WDR70: variants seen among roughly 807,000 people sequenced by gnomAD.
WDR70 encodes the protein WD repeat-containing protein 70.
A neutral mutation model predicts 88.6 loss-of-function variants in WDR70; 53 were observed. The observed-to-expected ratio is 0.60, with a 90% confidence interval of 0.48 to 0.75. The LOEUF is 0.75. Ranked by LOEUF, WDR70 falls within the 30% of genes least tolerant of loss-of-function variation. The probability of loss-of-function intolerance (pLI) is 0.00; values close to 1 mark genes in which losing one functional copy is unlikely to be tolerated. For missense variants in WDR70, 610 were observed against 823.2 expected, an observed-to-expected ratio of 0.74 and a Z score of 3.17; for synonymous variants, 280 against 270.0, an observed-to-expected ratio of 1.04 and a Z score of -0.36.
At chr5:37,674,487 A>G (rs1250300888) in intron 10 of WDR70, among the ~76,000 whole-genome samples, 2 of 151,820 alleles carry the variant, frequency 1.3e-5, no homozygotes, top group Non-Finnish European at 2.9e-5. Flanking sequence ...GCGGTGTTTC[A>G]TTTTTTGTCC....
chr5:37,629,490 G>A (rs1561929252), intron 10 of WDR70, among the ~76,000 whole-genome samples: 1 of 151,954 alleles, frequency 6.6e-6, no homozygotes, highest in Non-Finnish European at 1.5e-5. Flanking sequence ...TTTTGCCACT[G>A]CTTGTGTTAT....
intron 7 of WDR70, among the ~76,000 whole-genome samples, chr5:37,469,813 A>G (rs1051288029): frequency 6.6e-5 from 10 of 152,184 alleles, no homozygotes; most frequent in Non-Finnish European, 7.3e-5. Context: ...CTCTAAGTAA[A>G]TAAATAGCCC....
At chr5:37,637,206 A>G (rs926178217) in intron 10 of WDR70, among the ~76,000 whole-genome samples, 1 of 151,894 alleles carries the variant, frequency 6.6e-6, no homozygotes, top group Non-Finnish European at 1.5e-5. Flanking sequence ...GCCAGGCATG[A>G]TGACAGGCAC....
At chr5:37,636,974 A>G (rs1744984476) in intron 10 of WDR70, among the ~76,000 whole-genome samples, 2 of 152,172 alleles carry the variant, frequency 1.3e-5, no homozygotes, top group Admixed American at 6.5e-5. Context: ...AGATGTTAAC[A>G]TTAGGGGAAG....
At chr5:37,523,961 TA>T (rs1741178940) in intron 9 of WDR70, among the ~76,000 whole-genome samples, 1 of 152,054 alleles carries the variant, frequency 6.6e-6, no homozygotes, top group African/African-American at 2.4e-5. Context: ...ACAAAGCCGC[TA>T]AGAAATATGG....
chr5:37,602,118 A>G (rs1488062240), intron 9 of WDR70, among the ~76,000 whole-genome samples: 2 of 152,128 alleles, frequency 1.3e-5, no homozygotes, highest in Admixed American at 6.6e-5. Flanking sequence ...TACCTAATGT[A>G]GGTGACGGGA....
intron 7 of WDR70, among the ~76,000 whole-genome samples, chr5:37,464,797 G>A (rs1277366875): frequency 4.6e-5 from 7 of 152,324 alleles, no homozygotes; most frequent in South Asian, 4.1e-4. Context: ...CAAACTGCAC[G>A]GGTGCTGGAT....
chr5:37,647,067 T>C (rs1745260350), intron 10 of WDR70, among the ~76,000 whole-genome samples: 1 of 152,156 alleles, frequency 6.6e-6, no homozygotes, highest in Non-Finnish European at 1.5e-5. Flanking sequence ...TTATTCCTTT[T>C]TTTCCTCTGA....
At chr5:37,680,249 G>T (rs1746386337) in intron 10 of WDR70, among the ~76,000 whole-genome samples, 1 of 150,864 alleles carries the variant, frequency 6.6e-6, no homozygotes, top group Non-Finnish European at 1.5e-5. Context: ...TAATGGCATT[G>T]TTTTTTTCTT....
chr5:37,509,714 C>T (rs1435511993), intron 8 of WDR70, among the ~76,000 whole-genome samples: 2 of 151,990 alleles, frequency 1.3e-5, no homozygotes, highest in African/African-American at 2.4e-5. Flanking sequence ...TTAACATCTT[C>T]CCAGTTGGAC....
chr5:37,497,502 C>T (rs905229070), intron 8 of WDR70, among the ~76,000 whole-genome samples: 2 of 135,702 alleles, frequency 1.5e-5, no homozygotes, highest in East Asian at 2.6e-4. Flanking sequence ...TCCCTCTTCC[C>T]GTCTCTTCCC....
intron 10 of WDR70, among the ~76,000 whole-genome samples, chr5:37,647,040 G>A (rs1745259633): frequency 6.6e-6 from 1 of 151,984 alleles, no homozygotes; most frequent in Non-Finnish European, 1.5e-5. Flanking sequence ...GATCTTATAG[G>A]TATGCTTCAT....
chr5:37,645,273 C>T (rs190981952), intron 10 of WDR70, among the ~76,000 whole-genome samples: 8 of 151,196 alleles, frequency 5.3e-5, no homozygotes, highest in African/African-American at 1.5e-4. Context: ...TGTTTCATTT[C>T]GATTTCCATG....
In WDR70 at chr5:37,522,494, AG is replaced by A. The variant is rs1741128580; in HGVS notation, c.917+5906del. On this transcript the variant is annotated intron_variant, in intron 9 of 17. Transcript: ENST00000265107. ...TCAAAAAAAAAAAAAAAAAAAAAAA[AG>A]GTGGCAGTTCCAAGATGGCCCAATA... Among the ~76,000 whole-genome samples, 19 of 150,036 alleles carry A rather than the reference AG, an allele frequency of 1.3e-4. No individual in the cohort carries two copies. The South Asian group carries it at 3.6e-3, about 28-fold the overall frequency.
intron 17 of WDR70, among the ~76,000 whole-genome samples, chr5:37,732,631 T>C (rs1407672852): frequency 2.0e-5 from 3 of 152,114 alleles, no homozygotes; most frequent in Non-Finnish European, 2.9e-5. Flanking sequence ...AAAAGGAGCT[T>C]TCTTAAAGCC....
intron 9 of WDR70, among the ~76,000 whole-genome samples, chr5:37,548,689 G>A (rs1257926294): frequency 2.6e-5 from 4 of 152,116 alleles, no homozygotes; most frequent in Non-Finnish European, 4.4e-5. Context: ...GCCTGTGCTT[G>A]TGGGGTATTA....
intron 10 of WDR70, among the ~76,000 whole-genome samples, chr5:37,691,889 A>G (rs1746806980): frequency 6.6e-6 from 1 of 152,162 alleles, no homozygotes; most frequent in African/African-American, 2.4e-5. Flanking sequence ...GACACAAAAA[A>G]CCCTTCAAAA....
intron 10 of WDR70, among the ~76,000 whole-genome samples, chr5:37,607,065 A>G (rs910457287): frequency 1.3e-5 from 2 of 150,500 alleles, no homozygotes; most frequent in African/African-American, 4.9e-5. Context: ...CAGCCTCCTG[A>G]GTGGTTGGGA....
intron 9 of WDR70, among the ~76,000 whole-genome samples, chr5:37,572,931 C>T (rs1742950372): frequency 6.6e-6 from 1 of 152,184 alleles, no homozygotes; most frequent in Non-Finnish European, 1.5e-5. Flanking sequence ...TAATTCATCA[C>T]AGCAACTGAT....
Sources: allele counts gnomAD v4.1 joint callset (sites outside exome capture counted in the v4.1 genomes callset), GRCh38; gene constraint gnomAD v4.1.1; transcripts MANE v1.5; gene names NCBI Gene and HGNC (gene_info 2026-07-23, HGNC 2026-07-21).